Variants in HNRNPLL observed in about 807,000 individuals in gnomAD.
HNRNPLL encodes the protein heterogeneous nuclear ribonucleoprotein L-like.
A neutral mutation model predicts 67.1 loss-of-function variants in HNRNPLL; 25 were observed. The observed-to-expected ratio is 0.37, with a 90% CI of 0.27 to 0.52. The LOEUF (loss-of-function observed/expected upper bound fraction) is 0.52. Ranked by LOEUF, HNRNPLL falls within the 20% of genes least tolerant of loss-of-function variation. HNRNPLL has a pLI of 0.90. For missense variants in HNRNPLL, 542 were observed against 673.9 expected (o/e 0.80, Z 2.17); for synonymous variants, 267 against 241.7 (o/e 1.10, Z -0.97).
chr2:38,602,852 A>G lies in HNRNPLL; in HGVS notation c.-226T>C, dbSNP rs1357604421. 3 of 1,549,162 alleles carry G rather than the reference A, an allele frequency of 1.9e-6. No homozygotes were observed. The highest frequency in any genetic ancestry group is 1.7e-6 in the Non-Finnish European group (2 of 1,146,272). ...AGCTCTGGAGCGGCCGCTCCTCTCA[A>G]TTACCGAGCCAACATTCAGCCTCTC... On this transcript the variant is annotated 5_prime_UTR_variant, in exon 1 of 13. Coordinates refer to ENST00000449105, the MANE Select transcript of HNRNPLL (RefSeq NM_138394.4).
intron 6 of HNRNPLL, among the ~76,000 whole-genome samples, chr2:38,579,399 T>TA (rs1436296993): frequency 1.3e-5 from 2 of 151,700 alleles, no homozygotes; most frequent in Admixed American, 1.3e-4. Context: ...CCCTAAAACT[T>TA]AAAGTATAAT....
intron 12 of HNRNPLL, among the ~76,000 whole-genome samples, chr2:38,565,392 T>A (rs968740265): frequency 5.9e-5 from 9 of 152,136 alleles, no homozygotes; most frequent in Admixed American, 5.9e-4. Flanking sequence ...AATTTCCTTT[T>A]TTTTCTTTTA....
intron 12 of HNRNPLL, 82 bp from the exon 13 acceptor site, chr2:38,564,319 C>T (rs752039775): frequency 5.3e-6 from 4 of 749,548 alleles, no homozygotes; most frequent in Non-Finnish European, 9.4e-6. Flanking sequence ...AATTACTTCA[C>T]CTTTTTATAC....
chr2:38,597,584 A>G lies in HNRNPLL; in HGVS notation c.189+4854T>C, dbSNP rs144975410. ...TTTCTCTTTGTAAAGAAGCACATCT[A>G]AAACATAGGGAAACTAACTTTCCTA... On this transcript the variant is annotated intron_variant, in intron 1 of 12. Coordinates refer to ENST00000449105, the MANE Select transcript of HNRNPLL (RefSeq NM_138394.4). Among the ~76,000 whole-genome samples the G allele has an allele frequency of 4.9e-4, 74 of 152,354 alleles. 4 individuals are homozygous for G. In the East Asian group the frequency reaches 0.014, roughly 29 times the overall value.
chr2:38,592,387 G>A (rs186057165), intron 1 of HNRNPLL, among the ~76,000 whole-genome samples: 1 of 151,340 alleles, frequency 6.6e-6, no homozygotes, highest in Non-Finnish European at 1.5e-5. Context: ...TAACGTAGTA[G>A]ATTTGTATCA....
chr2:38,582,469 C>T (rs367647109), intron 4 of HNRNPLL, among the ~76,000 whole-genome samples: 1 of 151,192 alleles, frequency 6.6e-6, no homozygotes. Context: ...TGCCACCGCA[C>T]CCGGCTAATT....
intron 7 of HNRNPLL, among the ~76,000 whole-genome samples, chr2:38,576,594 A>C (rs927625725): frequency 5.3e-5 from 8 of 151,680 alleles, no homozygotes; most frequent in Non-Finnish European, 7.4e-5. Flanking sequence ...AAAGAAAAAC[A>C]CTAGAAAGTA....
intron 2 of HNRNPLL, among the ~76,000 whole-genome samples, chr2:38,587,332 C>A (rs1402786988): frequency 6.6e-6 from 1 of 152,158 alleles, no homozygotes; most frequent in Non-Finnish European, 1.5e-5. Context: ...ACATTGTACA[C>A]CCTCAATAAA....
At chr2:38,585,325 C>T (rs1003351124) in intron 3 of HNRNPLL, among the ~76,000 whole-genome samples, 1 of 152,172 alleles carries the variant, frequency 6.6e-6, no homozygotes. Flanking sequence ...TATATATATG[C>T]TGGCATATGC....
chr2:38,563,391 G>A lies in HNRNPLL; in HGVS notation c.*791C>T, dbSNP rs1484359914. The A allele has an allele frequency of 6.6e-6, 1 of 152,018 alleles. No individual in the cohort carries two copies. The highest frequency in any genetic ancestry group is 2.4e-5 in the African/African-American group (1 of 41,438). The allele number at this position is 152,018 out of a possible 1,614,324, so 9.4% of individuals were successfully genotyped here. On this transcript the variant is annotated 3_prime_UTR_variant, in exon 13 of 13. Transcript: ENST00000449105. ...CACAGATTCTCTGAAGCCCACCCAT[G>A]GATCCCAGATTATTATCTATAAGAG...
At chr2:38,587,091 G>T (rs575793706) in intron 2 of HNRNPLL, among the ~76,000 whole-genome samples, 1 of 152,284 alleles carries the variant, frequency 6.6e-6, no homozygotes, top group East Asian at 1.9e-4. Context: ...GAAGGCCAAA[G>T]AAATGTCGGG....
chr2:38,588,952 C>T (rs1203970683), intron 2 of HNRNPLL, among the ~76,000 whole-genome samples: 1 of 152,078 alleles, frequency 6.6e-6, no homozygotes, highest in Non-Finnish European at 1.5e-5. Context: ...GCTTTTAACT[C>T]CATCAATTTA....
intron 1 of HNRNPLL, among the ~76,000 whole-genome samples, chr2:38,596,258 T>C (rs1446113575): frequency 1.3e-5 from 2 of 152,184 alleles, no homozygotes; most frequent in Non-Finnish European, 2.9e-5. Flanking sequence ...CTGGTGTCAT[T>C]TGTAGAGACT....
chr2:38,602,271 A>C, intron 1 of HNRNPLL, 167 bp downstream of exon 1: 3 of 612,860 alleles, frequency 4.9e-6, no homozygotes, highest in Non-Finnish European at 2.7e-6. Flanking sequence ...GGATGCGGGA[A>C]ACAGGTAGAG....
intron 2 of HNRNPLL, among the ~76,000 whole-genome samples, chr2:38,591,067 A>G (rs767214450): frequency 6.6e-6 from 1 of 152,192 alleles, no homozygotes; most frequent in Non-Finnish European, 1.5e-5. Context: ...ATATGCACCT[A>G]AACAAATAAT....
rs1257409319 is a variant in HNRNPLL, at chr2:38,591,658, G to C, written c.190-10C>G. Reference sequence around the variant, plus strand: ...GACTTCCACCTGCCTCCTAGCAAGAGAAAATAATTTCTAGTTAAAAAAATT... The same window carrying C: ...GACTTCCACCTGCCTCCTAGCAAGACAAAATAATTTCTAGTTAAAAAAATT... On this transcript the variant is annotated splice_polypyrimidine_tract_variant and intron_variant, in intron 1 of 12. Coordinates refer to ENST00000449105, the MANE Select transcript of HNRNPLL (RefSeq NM_138394.4). The C allele has an allele frequency of 1.9e-6, 3 of 1,581,612 alleles. No homozygotes were observed. The highest frequency in any genetic ancestry group is 2.2e-5 in the South Asian group (2 of 90,364).
intron 1 of HNRNPLL, among the ~76,000 whole-genome samples, chr2:38,594,122 C>G (rs990805046): frequency 3.9e-5 from 6 of 152,098 alleles, no homozygotes; most frequent in African/African-American, 1.2e-4. Flanking sequence ...TTGCAGTGAG[C>G]CGAGATTGCG....
At chr2:38,576,401 A>G (rs1281450241) in intron 7 of HNRNPLL, among the ~76,000 whole-genome samples, 1 of 151,808 alleles carries the variant, frequency 6.6e-6, no homozygotes, top group Non-Finnish European at 1.5e-5. Flanking sequence ...TGTTACAGGA[A>G]TAACTAAGAA....
rs1667360955 is a variant in HNRNPLL, at chr2:38,600,031, T to C, written c.189+2407A>G. On this transcript the variant is annotated intron_variant, in intron 1 of 12. Coordinates refer to ENST00000449105, the MANE Select transcript of HNRNPLL (RefSeq NM_138394.4). ...AACGAAGAAGCACAAGACAGTAAAC[T>C]TCTATCCGGGGAACGTCTATCCTAA... 5.1e-6 allele frequency: 2 copies of C among 391,808 alleles called. 1 individual carries two copies. The highest frequency in any genetic ancestry group is 7.2e-4 in the Middle Eastern group (2 of 2,762). 24.3% of individuals were successfully genotyped at this position (391,808 alleles called of 1,614,324 possible). A position where few individuals can be genotyped will look rare whatever the true frequency, so the allele number is the denominator to read the frequency against.
Sources: gnomAD v4.1 joint callset for allele counts (sites outside exome capture counted in the v4.1 genomes callset) on GRCh38, gnomAD v4.1.1 for gene constraint, MANE v1.5 for transcripts, NCBI Gene and HGNC (gene_info 2026-07-23, HGNC 2026-07-21) for gene names.